Variants in DISC1 observed in about 807,000 individuals in gnomAD.
The protein encoded by DISC1 is disrupted in schizophrenia 1 protein.
In DISC1, 57 loss-of-function variants were observed where a neutral mutation model predicts 84.5. The ratio of observed to expected loss-of-function variants is 0.67; its 90% CI spans 0.55 to 0.84. The LOEUF (loss-of-function observed/expected upper bound fraction) is 0.84. DISC1 is among the 40% of genes least tolerant of loss of function. The probability of loss-of-function intolerance (pLI) is 0.00; values close to 1 mark genes in which losing one functional copy is unlikely to be tolerated. For synonymous variants in DISC1, 411 were observed against 415.2 expected (o/e 0.99, Z 0.12); for missense variants, 1,000 against 1,057.8 (o/e 0.95, Z 0.76).
At chr1:231,850,998 T>C (rs1453149022) in intron 9 of DISC1, among the ~76,000 whole-genome samples, 1 of 152,178 alleles carries the variant, frequency 6.6e-6, no homozygotes, top group Non-Finnish European at 1.5e-5. Context: ...GTGAAGGTCA[T>C]AGCAAGGGCA....
At chr1:231,795,775 G>A (rs920332926) in intron 7 of DISC1, among the ~76,000 whole-genome samples, 5 of 152,126 alleles carry the variant, frequency 3.3e-5, no homozygotes, top group Non-Finnish European at 7.3e-5. Context: ...TGTAATCCCA[G>A]CTACTCAGGA....
At chr1:231,703,380 G>A (rs1451112444) in intron 3 of DISC1, among the ~76,000 whole-genome samples, 1 of 152,172 alleles carries the variant, frequency 6.6e-6, no homozygotes, top group Non-Finnish European at 1.5e-5. Context: ...ACAGCTGTAG[G>A]CAGGGAGAAA....
intron 9 of DISC1, among the ~76,000 whole-genome samples, chr1:231,888,796 G>A (rs2086982701): frequency 6.6e-6 from 1 of 150,794 alleles, no homozygotes; most frequent in Non-Finnish European, 1.5e-5. Flanking sequence ...CCACAGGGCT[G>A]CTGCTGCTGA....
In DISC1 at chr1:231,803,775, C is replaced by A. The variant is rs537882980; in HGVS notation, c.1792+3565C>A. 3.3e-5 allele frequency among the ~76,000 whole-genome samples: 5 copies of A among 151,828 alleles called. No individual in the cohort carries two copies. In the East Asian group the frequency reaches 9.7e-4, roughly 29 times the overall value. ...CATCCTGGCTAACATGGTGAAACCC[C>A]GTCTCTACTAAAAATACAAAAAATT... On this transcript the variant is annotated intron_variant, in intron 8 of 12. Coordinates refer to ENST00000439617, the MANE Select transcript of DISC1 (RefSeq NM_018662.3).
Position 231,698,536 on chromosome 1 carries a change from C to A in DISC1, c.1048-3419C>A, listed in dbSNP as rs2065994143. Among the ~76,000 whole-genome samples, 1 of 152,112 alleles carries A rather than the reference C, an allele frequency of 6.6e-6. No homozygotes were observed. Among genetic ancestry groups the A allele is most frequent in the Non-Finnish European group, 1.5e-5 (1 of 68,024 alleles). On this transcript the variant is annotated intron_variant, in intron 2 of 12. Coordinates refer to ENST00000439617, the MANE Select transcript of DISC1 (RefSeq NM_018662.3). This position sits in a 1 kb window ranked among gnomAD's most constrained non-coding sequence, Gnocchi z 4.9. ...CCACAGGCAGGGTTGTGGCACAGTG[C>A]AAGACATGGCCACTGGGGCTGTGCC...
chr1:231,733,001 T>C (rs1367597712), intron 3 of DISC1, among the ~76,000 whole-genome samples: 1 of 149,526 alleles, frequency 6.7e-6, no homozygotes, highest in Non-Finnish European at 1.5e-5. Context: ...TGGTGGTGGT[T>C]GTAGCAGTGT....
chr1:231,788,388 AT>A, intron 6 of DISC1, among the ~76,000 whole-genome samples: 1 of 151,994 alleles, frequency 6.6e-6, no homozygotes, highest in Non-Finnish European at 1.5e-5. Flanking sequence ...GTAGATGATC[AT>A]TTTCTCCCTG....
intron 12 of DISC1, among the ~76,000 whole-genome samples, chr1:232,033,954 T>G (rs867157937): frequency 6.6e-6 from 1 of 152,148 alleles, no homozygotes; most frequent in Admixed American, 6.5e-5. Context: ...GTTTGCAAAA[T>G]TAGGATCATT....
At chr1:231,981,429 C>G (rs939062459) in intron 10 of DISC1, among the ~76,000 whole-genome samples, 2 of 152,146 alleles carry the variant, frequency 1.3e-5, no homozygotes, top group Non-Finnish European at 2.9e-5. Context: ...AGAATCTTAG[C>G]TAATCACCAT....
intron 8 of DISC1, among the ~76,000 whole-genome samples, chr1:231,801,008 A>G (rs2079192050): frequency 6.6e-6 from 1 of 152,140 alleles, no homozygotes; most frequent in African/African-American, 2.4e-5. Flanking sequence ...AGAGCTCATC[A>G]GCTTCAAAAG....
intron 2 of DISC1, among the ~76,000 whole-genome samples, chr1:231,696,608 T>A (rs1347645659): frequency 1.3e-5 from 2 of 152,214 alleles, no homozygotes; most frequent in African/African-American, 4.8e-5. Context: ...TTTTGGCCAA[T>A]GACGGATCAC....
At chr1:231,734,125 C>T (rs886720287) in intron 3 of DISC1, among the ~76,000 whole-genome samples, 6 of 152,082 alleles carry the variant, frequency 3.9e-5, no homozygotes, top group African/African-American at 4.8e-5. Context: ...GAAGATGCCT[C>T]CATCCCTGAG....
chr1:231,985,214 T>C (rs1425181689), intron 10 of DISC1, among the ~76,000 whole-genome samples: 1 of 151,342 alleles, frequency 6.6e-6, no homozygotes, highest in Non-Finnish European at 1.5e-5. Flanking sequence ...TAATCCCAGC[T>C]ACTTGGGAGG....
intron 1 of DISC1, among the ~76,000 whole-genome samples, chr1:231,690,420 C>T (rs2064856913): frequency 2.0e-5 from 3 of 152,178 alleles, no homozygotes; most frequent in Admixed American, 2.0e-4. Context: ...CGGCTTGTTT[C>T]CTAACCGGGT....
At chr1:231,710,609 A>G (rs1573095352) in intron 3 of DISC1, among the ~76,000 whole-genome samples, 1 of 152,136 alleles carries the variant, frequency 6.6e-6, no homozygotes, top group Admixed American at 6.5e-5. Context: ...TTGGAATTCT[A>G]TGTCAAGTTG....
intron 9 of DISC1, among the ~76,000 whole-genome samples, chr1:231,873,433 C>A (rs933512234): frequency 9.8e-5 from 15 of 152,288 alleles, no homozygotes; most frequent in African/African-American, 3.1e-4. Context: ...TTGACTAGCG[C>A]CCCTTCCTGT....
At chr1:231,861,243 T>G (rs908295086) in intron 9 of DISC1, among the ~76,000 whole-genome samples, 1 of 151,658 alleles carries the variant, frequency 6.6e-6, no homozygotes, top group Non-Finnish European at 1.5e-5. Context: ...TCGGGTGGAG[T>G]GTTTCTTACA....
At chr1:231,929,981 T>C (rs1426611702) in intron 9 of DISC1, among the ~76,000 whole-genome samples, 1 of 152,236 alleles carries the variant, frequency 6.6e-6, no homozygotes, top group Admixed American at 6.5e-5. Flanking sequence ...TGGTGCCAGC[T>C]GCAGGTAGCG....
At chr1:231,643,362 AAAAT>A (rs900262064) in intron 1 of DISC1, among the ~76,000 whole-genome samples, 4 of 152,188 alleles carry the variant, frequency 2.6e-5, no homozygotes, top group Non-Finnish European at 4.4e-5. Context: ...AAAAAAAAAT[AAAAT>A]AAAATAAATG....
Sources: gnomAD v4.1 joint callset for allele counts (sites outside exome capture counted in the v4.1 genomes callset) on GRCh38, gnomAD v4.1.1 for gene constraint, Gnocchi (gnomAD v3.1) non-coding constraint, MANE v1.5 for transcripts, NCBI Gene and HGNC (gene_info 2026-07-23, HGNC 2026-07-21) for gene names.